The following SMAD3 variants were observed in gnomAD, a reference collection of about 807,000 sequenced individuals.
The protein encoded by SMAD3 is MAD homolog 3.
In SMAD3, 12 loss-of-function variants were observed where a neutral mutation model predicts 51.8. The observed-to-expected ratio is 0.23, with a 90% CI of 0.15 to 0.38. The LOEUF is 0.38. SMAD3 is among the 10% of genes least tolerant of loss of function. The pLI is 1.00. For synonymous variants in SMAD3, 238 were observed against 227.7 expected, an observed-to-expected ratio of 1.05 and a Z score of -0.41; for missense variants, 294 against 565.6, an observed-to-expected ratio of 0.52 and a Z score of 4.87.
chr15:67,115,551 C>T (rs1269498059), intron 1 of SMAD3, among the ~76,000 whole-genome samples: 1 of 152,186 alleles, frequency 6.6e-6, no homozygotes, highest in Non-Finnish European at 1.5e-5. Context: ...GGCATGGCCC[C>T]CTTTGGGGCG....
chr15:67,175,996 T>C (rs991591273), intron 5 of SMAD3, among the ~76,000 whole-genome samples: 20 of 152,230 alleles, frequency 1.3e-4, no homozygotes, highest in African/African-American at 4.1e-4. Context: ...TTCATACTCC[T>C]GAGGGCCCGG....
intron 5 of SMAD3, among the ~76,000 whole-genome samples, chr15:67,176,888 C>G (rs1433521102): frequency 6.6e-6 from 1 of 152,192 alleles, no homozygotes; most frequent in African/African-American, 2.4e-5. Context: ...AGGAGCAGGG[C>G]TGTTTGAAGG....
chr15:67,179,804 A>G (rs528873859), intron 5 of SMAD3, among the ~76,000 whole-genome samples: 4 of 152,038 alleles, frequency 2.6e-5, no homozygotes, highest in Non-Finnish European at 4.4e-5. Context: ...TTCTCAGGCC[A>G]GGGCTGAGAC....
At chr15:67,142,919 C>T (rs904891273) in intron 1 of SMAD3, 9 of 425,188 alleles carry the variant, frequency 2.1e-5, no homozygotes, top group African/African-American at 4.1e-5. Flanking sequence ...CGTCGGCTCA[C>T]TCCTGGGTTG....
chr15:67,193,109 G>A lies in SMAD3; in HGVS notation c.*2573G>A, dbSNP rs886051418. 15 of 233,188 alleles carry A rather than the reference G, an allele frequency of 6.4e-5. No homozygotes were observed. In the Admixed American group the frequency reaches 7.3e-4, roughly 11 times the overall value. The allele number at this position is 233,188 out of a possible 1,614,324, so 14.4% of individuals were successfully genotyped here. A position where few individuals can be genotyped will look rare whatever the true frequency, so the allele number is the denominator to read the frequency against. On this transcript the variant is annotated 3_prime_UTR_variant, in exon 9 of 9. Coordinates refer to ENST00000327367, the MANE Select transcript of SMAD3 (RefSeq NM_005902.4). ...GTATGTAACATTAGTGTCCTTCCTTGAAGCCACAAGCTAGTTTTCTTAGTT... is the reference window on the plus strand; with the variant it reads ...GTATGTAACATTAGTGTCCTTCCTTAAAGCCACAAGCTAGTTTTCTTAGTT...
intron 5 of SMAD3, 107 bp from the exon 6 acceptor site, chr15:67,181,134 C>A: frequency 1.2e-6 from 1 of 839,790 alleles, no homozygotes; most frequent in Non-Finnish European, 2.0e-6. Flanking sequence ...GATTATAATC[C>A]CTCTGAAATG....
At chr15:67,092,066 G>A (rs1176885837) in intron 1 of SMAD3, among the ~76,000 whole-genome samples, 1 of 152,170 alleles carries the variant, frequency 6.6e-6, no homozygotes, top group African/African-American at 2.4e-5. Context: ...AGGTAGAAAA[G>A]GAGAGAGGGG....
intron 1 of SMAD3, among the ~76,000 whole-genome samples, chr15:67,076,254 C>T (rs1960166610): frequency 1.3e-5 from 2 of 152,124 alleles, no homozygotes; most frequent in Non-Finnish European, 2.9e-5. Flanking sequence ...TCCCCCATCA[C>T]CTTCTCTATC....
At chr15:67,117,679 A>G (rs189297338) in intron 1 of SMAD3, among the ~76,000 whole-genome samples, 2 of 152,306 alleles carry the variant, frequency 1.3e-5, no homozygotes, top group East Asian at 1.9e-4. Context: ...TTCTTTATAG[A>G]GAGCTGTTGT....
Position 67,151,850 on chromosome 15 carries a change from G to A in SMAD3, c.207-13045G>A, listed in dbSNP as rs570317687. Among the ~76,000 whole-genome samples the A allele has an allele frequency of 1.1e-4, 16 of 151,938 alleles. No homozygotes were observed. In the South Asian group the frequency reaches 3.3e-3, roughly 32 times the overall value. ...AGCATTCAATATCCTCCTTCTATTT[G>A]AAACTATGTAATATATGAATGTTAC... On this transcript the variant is annotated intron_variant, in intron 1 of 8. Transcript: ENST00000327367.
intron 1 of SMAD3, among the ~76,000 whole-genome samples, chr15:67,130,617 A>C (rs1207083098): frequency 1.3e-5 from 2 of 152,154 alleles, no homozygotes; most frequent in Non-Finnish European, 2.9e-5. Flanking sequence ...CTGGTGCCAA[A>C]AAGATTGGGG....
At position 67,083,020 on chromosome 15, in the gene SMAD3, C is replaced by T. The variant is rs111659921; in HGVS notation, c.206+16660C>T. 6.4e-3 allele frequency among the ~76,000 whole-genome samples: 981 copies of T among 152,270 alleles called. 11 individuals are homozygous for T. The highest frequency in any genetic ancestry group is 0.022 in the African/African-American group (918 of 41,538). Reference sequence around the variant, plus strand: ...GTAAATACGTAAGTTGTCTTCCTGCCGTCTTGTCCTGGTGGAGCAGAGAGA... The same window carrying T: ...GTAAATACGTAAGTTGTCTTCCTGCTGTCTTGTCCTGGTGGAGCAGAGAGA... On this transcript the variant is annotated intron_variant, in intron 1 of 8. Coordinates refer to ENST00000327367, the MANE Select transcript of SMAD3 (RefSeq NM_005902.4).
At chr15:67,181,953 A>T (rs1013192551) in intron 6 of SMAD3, among the ~76,000 whole-genome samples, 3 of 151,942 alleles carry the variant, frequency 2.0e-5, no homozygotes, top group African/African-American at 7.3e-5. Context: ...CGCCCAGCTA[A>T]TTTTTGTGTT....
chr15:67,107,958 T>G (rs1960915363), intron 1 of SMAD3, among the ~76,000 whole-genome samples: 1 of 91,852 alleles, frequency 1.1e-5, no homozygotes, highest in African/African-American at 2.8e-5. Context: ...CTGGATCTGC[T>G]CTCCTCTCCC....
At chr15:67,183,000 A>AAAAAT (rs61323717) in intron 6 of SMAD3, among the ~76,000 whole-genome samples, 1 of 43,648 alleles carries the variant, frequency 2.3e-5, no homozygotes, top group African/African-American at 1.4e-4. Context: ...AAAAAAAAAA[A>AAAAAT]ATATATATAT....
At chr15:67,097,126 G>T (rs1490567999) in intron 1 of SMAD3, among the ~76,000 whole-genome samples, 1 of 152,140 alleles carries the variant, frequency 6.6e-6, no homozygotes, top group East Asian at 1.9e-4. Flanking sequence ...CAGTGTAGTT[G>T]TTAAAAATGT....
chr15:67,108,000 C>T (rs1960920179), intron 1 of SMAD3, among the ~76,000 whole-genome samples: 1 of 147,276 alleles, frequency 6.8e-6, no homozygotes, highest in African/African-American at 2.5e-5. Flanking sequence ...CGCGCTGTGC[C>T]CAGGGTGATC....
chr15:67,076,517 G>A (rs1960173406), intron 1 of SMAD3, among the ~76,000 whole-genome samples: 1 of 152,178 alleles, frequency 6.6e-6, no homozygotes. Context: ...GGTTAGGTGG[G>A]CTGTTGAGTG....
intron 1 of SMAD3, among the ~76,000 whole-genome samples, chr15:67,157,921 G>A (rs1962327442): frequency 6.6e-6 from 1 of 152,198 alleles, no homozygotes; most frequent in Non-Finnish European, 1.5e-5. Flanking sequence ...CCTTCTGTCA[G>A]AGGAACTTGA....
Sources: allele counts gnomAD v4.1 joint callset (sites outside exome capture counted in the v4.1 genomes callset), GRCh38; gene constraint gnomAD v4.1.1; transcripts MANE v1.5; gene names NCBI Gene and HGNC (gene_info 2026-07-23, HGNC 2026-07-21).